The following NRXN3 variants were observed in gnomAD, a reference collection of about 807,000 sequenced individuals.
The protein encoded by NRXN3 is neurexin III.
A neutral mutation model predicts 137.6 loss-of-function variants in NRXN3; 32 were observed. The ratio of observed to expected loss-of-function variants is 0.23; its 90% CI spans 0.18 to 0.31. The LOEUF (loss-of-function observed/expected upper bound fraction) is 0.31, where lower values mean the gene tolerates loss of function less well. NRXN3 is among the 10% of genes least tolerant of loss of function. The pLI is 1.00. For synonymous variants in NRXN3, 798 were observed against 784.5 expected (o/e 1.02, Z -0.29); for missense variants, 1,574 against 2,062.5 (o/e 0.76, Z 4.59).
At chr14:79,049,098 T>TTAATAATAATAC (rs1272827423) in intron 15 of NRXN3, among the ~76,000 whole-genome samples, 4,233 of 102,160 alleles carry the variant, frequency 0.041, 836 homozygotes, top group African/African-American at 0.077. Context: ...AATAATAATA[T>TTAATAATAATAC]GATGGGGTGT....
intron 2 of NRXN3, among the ~76,000 whole-genome samples, chr14:78,275,151 T>C (rs1371771465): frequency 1.3e-5 from 2 of 152,224 alleles, no homozygotes; most frequent in Non-Finnish European, 2.9e-5. Context: ...TTCTCTAAAA[T>C]GGGGATACTC....
intron 15 of NRXN3, among the ~76,000 whole-genome samples, chr14:79,422,720 G>A (rs2095597789): frequency 8.2e-6 from 1 of 122,552 alleles, no homozygotes; most frequent in Non-Finnish European, 1.7e-5. Flanking sequence ...TTTTTTTTGA[G>A]ACGGAATCTT....
intron 4 of NRXN3, among the ~76,000 whole-genome samples, chr14:78,624,607 T>A (rs536497811): frequency 2.0e-5 from 3 of 152,092 alleles, no homozygotes; most frequent in Non-Finnish European, 4.4e-5. Context: ...CAGAAGAGAA[T>A]TGCAGGACCA....
intron 8 of NRXN3, among the ~76,000 whole-genome samples, chr14:78,737,049 C>T (rs2098544211): frequency 6.6e-6 from 1 of 152,174 alleles, no homozygotes; most frequent in Non-Finnish European, 1.5e-5. Context: ...TTTCCCCTTC[C>T]TCCTTCCCTT....
intron 10 of NRXN3, among the ~76,000 whole-genome samples, chr14:78,887,295 GAGCTCAA>G (rs2099146388): frequency 1.3e-5 from 2 of 152,108 alleles, no homozygotes; most frequent in African/African-American, 4.8e-5. Context: ...AGTTTTGACT[GAGCTCAA>G]AGCTTGTGTA....
intron 15 of NRXN3, among the ~76,000 whole-genome samples, chr14:79,242,385 G>A (rs2074449473): frequency 2.6e-5 from 4 of 152,094 alleles, no homozygotes; most frequent in Admixed American, 2.0e-4. Context: ...CATGCATGCT[G>A]GCTCAAAGGA....
Position 79,817,435 on chromosome 14 carries a change from G to T in NRXN3, c.4093+12245G>T, listed in dbSNP as rs138383645. Among the ~76,000 whole-genome samples, 7 of 152,290 alleles carry T rather than the reference G, an allele frequency of 4.6e-5. No homozygotes were observed. The South Asian group carries it at 1.0e-3, about 23-fold the overall frequency. On this transcript the variant is annotated intron_variant, in intron 20 of 20. Coordinates refer to ENST00000335750, the MANE Select transcript of NRXN3 (RefSeq NM_001330195.2). Reference sequence around the variant, plus strand: ...AGTGACTTCTAGGCTTTCTCCTATAGGTTTGCCACTGCTACAACTTTGTTT... The same window carrying T: ...AGTGACTTCTAGGCTTTCTCCTATATGTTTGCCACTGCTACAACTTTGTTT...
intron 1 of NRXN3, among the ~76,000 whole-genome samples, chr14:78,181,672 A>C (rs547373758): frequency 6.6e-6 from 1 of 152,282 alleles, no homozygotes; most frequent in East Asian, 1.9e-4. Context: ...ATCTCCGCAC[A>C]ACTTGAGTGT....
intron 15 of NRXN3, among the ~76,000 whole-genome samples, chr14:79,144,575 T>C (rs1242279665): frequency 6.6e-6 from 1 of 152,206 alleles, no homozygotes; most frequent in East Asian, 1.9e-4. Flanking sequence ...TGAGGCAATT[T>C]GTGGTATAAA....
chr14:78,551,200 C>G (rs958856025), intron 4 of NRXN3, among the ~76,000 whole-genome samples: 1 of 152,158 alleles, frequency 6.6e-6, no homozygotes, highest in Non-Finnish European at 1.5e-5. Context: ...GAGAAGGGTC[C>G]ACTTAAGGCT....
At chr14:78,474,394 T>A (rs1022716224) in intron 4 of NRXN3, among the ~76,000 whole-genome samples, 1 of 152,182 alleles carries the variant, frequency 6.6e-6, no homozygotes, top group Non-Finnish European at 1.5e-5. Context: ...ACCAATGTTA[T>A]ATTAACTGCT....
At chr14:78,413,465 A>G (rs2092950826) in intron 4 of NRXN3, among the ~76,000 whole-genome samples, 1 of 152,104 alleles carries the variant, frequency 6.6e-6, no homozygotes, top group African/African-American at 2.4e-5. Context: ...TTCTATTTTC[A>G]GTAGAGACGA....
intron 19 of NRXN3, among the ~76,000 whole-genome samples, chr14:79,731,404 A>G (rs2098922120): frequency 6.6e-6 from 1 of 152,228 alleles, no homozygotes; most frequent in African/African-American, 2.4e-5. Context: ...GCAAAATGGT[A>G]AATAATAAAA....
chr14:78,314,795 T>C (rs2078366052), intron 4 of NRXN3, among the ~76,000 whole-genome samples: 1 of 152,170 alleles, frequency 6.6e-6, no homozygotes, highest in African/African-American at 2.4e-5. Flanking sequence ...AAGGTGAGTA[T>C]GGTTTCTATG....
chr14:78,335,735 G>A lies in NRXN3; in HGVS notation c.757+37875G>A, dbSNP rs140829894. Among the ~76,000 whole-genome samples, 528 of 152,128 alleles carry A rather than the reference G, an allele frequency of 3.5e-3. 3 individuals are homozygous for A. Among genetic ancestry groups the A allele is most frequent in the Non-Finnish European group, 6.5e-3 (443 of 67,994 alleles). On this transcript the variant is annotated intron_variant, in intron 4 of 20. Coordinates refer to ENST00000335750, the MANE Select transcript of NRXN3 (RefSeq NM_001330195.2). ...CTGCAGCTCTTGGAGGTCTACTGAG[G>A]TCTCTGAGTCATGACAAAAATGACT...
intron 9 of NRXN3, among the ~76,000 whole-genome samples, chr14:78,805,266 T>A (rs1001131520): frequency 6.6e-6 from 1 of 152,188 alleles, no homozygotes; most frequent in Non-Finnish European, 1.5e-5. Context: ...GTTTTTCTTT[T>A]GTTTGTGTAT....
At chr14:78,518,907 G>GTGATA (rs770547231) in intron 4 of NRXN3, among the ~76,000 whole-genome samples, 2 of 151,962 alleles carry the variant, frequency 1.3e-5, no homozygotes, top group Non-Finnish European at 2.9e-5. Context: ...TTTCCTCTCT[G>GTGATA]TGATATCTTC....
At position 78,995,358 on chromosome 14, in the gene NRXN3, T is replaced by G. The variant is rs888015495; in HGVS notation, c.3262+7217T>G. On this transcript the variant is annotated intron_variant, in intron 15 of 20. Coordinates refer to ENST00000335750, the MANE Select transcript of NRXN3 (RefSeq NM_001330195.2). ...CTCTGTTGACCTAGATCTTCTGATT[T>G]TTATGTGTTTGCTTTATTTCAATTC... is the stretch of plus-strand genomic sequence containing the variant. 2.0e-5 allele frequency among the ~76,000 whole-genome samples: 3 copies of G among 152,284 alleles called. No individual in the cohort carries two copies. The East Asian group carries it at 5.8e-4, about 29-fold the overall frequency.
At chr14:79,700,767 C>T (rs1603440912) in intron 19 of NRXN3, among the ~76,000 whole-genome samples, 1 of 152,022 alleles carries the variant, frequency 6.6e-6, no homozygotes, top group South Asian at 2.1e-4. Context: ...GTGCTTTGAT[C>T]TTTCTGATTC....
Sources: allele counts gnomAD v4.1 joint callset (sites outside exome capture counted in the v4.1 genomes callset), GRCh38; gene constraint gnomAD v4.1.1; transcripts MANE v1.5; gene names NCBI Gene and HGNC (gene_info 2026-07-23, HGNC 2026-07-21).